ATXN7L3: variants seen among roughly 807,000 people sequenced by gnomAD.
ATXN7L3 encodes ataxin 7 like 3.
A neutral mutation model predicts 50.0 loss-of-function variants in ATXN7L3; 6 were observed. That is an observed-to-expected ratio of 0.12 (90% CI 0.07 to 0.24). The LOEUF (loss-of-function observed/expected upper bound fraction) is 0.24, where lower values mean the gene tolerates loss of function less well. ATXN7L3 is among the 10% of genes least tolerant of loss of function. ATXN7L3 has a pLI of 1.00. For missense variants in ATXN7L3, 322 were observed against 451.3 expected (o/e 0.71, Z 2.60); for synonymous variants, 198 against 165.8 (o/e 1.19, Z -1.49).
Position 44,195,784 on chromosome 17 carries a change from G to A in ATXN7L3, c.552+16C>T, listed in dbSNP as rs1460600017. The A allele has an allele frequency of 1.9e-6, 3 of 1,597,482 alleles. No individual in the cohort carries two copies. Among genetic ancestry groups the A allele is most frequent in the African/African-American group, 2.7e-5 (2 of 74,432 alleles). ...CAGGACAATGAGAGCAAGCATGAGG[G>A]GCGGCCCATACTCACCTTAAAAGGA... is the stretch of plus-strand genomic sequence containing the variant. On this transcript the variant is annotated intron_variant, in intron 8 of 12. Transcript: ENST00000587097.
chr17:44,194,860 G>A (rs750678946), intron 10 of ATXN7L3, 21 bp from the exon 11 acceptor site: 5 of 1,613,766 alleles, frequency 3.1e-6, no homozygotes, highest in Non-Finnish European at 4.2e-6. Context: ...GGCAAGGCAG[G>A]GAGGGTTCTG....
chr17:44,192,008 C>CG lies in ATXN7L3; in HGVS notation c.*2254dup, dbSNP rs556103493. 6.7e-4 allele frequency: 103 copies of CG among 152,898 alleles called. No individual in the cohort carries two copies. The highest frequency in any genetic ancestry group is 2.1e-3 in the African/African-American group (85 of 41,406). The allele number at this position is 152,898 out of a possible 1,614,324, so 9.5% of individuals were successfully genotyped here. On this transcript the variant is annotated 3_prime_UTR_variant, in exon 13 of 13. Coordinates refer to ENST00000587097, the MANE Select transcript of ATXN7L3 (RefSeq NM_001382309.1). ...GCCAGGCGGGTGGCCCCTGGGCATGCGGGGGGGAGTGATGCATGGAAGGAA... is the reference window on the plus strand; with the variant it reads ...GCCAGGCGGGTGGCCCCTGGGCATGCGGGGGGGGAGTGATGCATGGAAGGAA...
rs781480220 is a variant in ATXN7L3, at chr17:44,194,796, C to T, written c.709G>A (p.Val237Ile). Residue 237 changes from valine (V) to isoleucine (I), a missense_variant, in exon 11 of 13, where the codon GTA becomes ATA. Around this residue, in one of 5 missense-constraint regions of ATXN7L3, gnomAD observed 24 missense variants for 52.6 expected, o/e 0.46. Transcript: ENST00000587097. ...PQHTDEQRRT[V>I]RIYFLGPSAV... The stretch of plus-strand genomic sequence containing the variant: ...GAGGGCCCGAGAAAATAAATCCGTA[C>T]GGTTCGCCTCTGCTCATCTGTGTGC... The T allele has an allele frequency of 6.8e-6, 11 of 1,614,046 alleles. No homozygotes were observed. The highest frequency in any genetic ancestry group is 4.0e-5 in the African/African-American group (3 of 74,918).
intron 5 of ATXN7L3, 44 bp from the exon 6 acceptor site, chr17:44,196,462 C>T (rs764864989): frequency 8.1e-6 from 13 of 1,613,122 alleles, no homozygotes; most frequent in South Asian, 1.1e-5. Context: ...CCGTTAAGTT[C>T]TCAATCTAAA....
rs572573910 is a variant in ATXN7L3, at chr17:44,193,804, C to T, written c.*459G>A. Reference sequence around the variant, plus strand: ...AGCCTTGCCCCTCAGCTCCAAGCACCGGACCCATTCACATTGCTGAGGGCG... The same window carrying T: ...AGCCTTGCCCCTCAGCTCCAAGCACTGGACCCATTCACATTGCTGAGGGCG... On this transcript the variant is annotated 3_prime_UTR_variant, in exon 13 of 13. Coordinates refer to ENST00000587097, the MANE Select transcript of ATXN7L3 (RefSeq NM_001382309.1). The T allele has an allele frequency of 1.2e-3, 220 of 177,462 alleles. 1 individual carries two copies. Among genetic ancestry groups the T allele is most frequent in the African/African-American group, 4.9e-3 (206 of 41,868 alleles). 11.0% of individuals were successfully genotyped at this position (177,462 alleles called of 1,614,324 possible). A position where few individuals can be genotyped will look rare whatever the true frequency, so the allele number is the denominator to read the frequency against.
Position 44,194,513 on chromosome 17 carries a change from G to C in ATXN7L3, c.895+4C>G. 2 of 1,613,440 alleles carry C rather than the reference G, an allele frequency of 1.2e-6. No homozygotes were observed. Among genetic ancestry groups the C allele is most frequent in the East Asian group, 4.5e-5 (2 of 44,880 alleles). On this transcript the variant is annotated splice_donor_region_variant and intron_variant, in intron 12 of 12. Transcript: ENST00000587097. ...AGCCCCTAGGGCCCAACTGCATCAC[G>C]TACCTAGACCCCATCCCTGATTTTC...
chr17:44,196,200 T>C, intron 6 of ATXN7L3, 121 bp from the exon 7 acceptor site: 3 of 1,298,012 alleles, frequency 2.3e-6, no homozygotes, highest in Non-Finnish European at 3.3e-6. Flanking sequence ...TCCTCCCCAG[T>C]AGGAGGCCTG....
rs2055718684 is a variant in ATXN7L3 at position 44,192,348 on chromosome 17, C to G, written c.*1915G>C. 1 of 152,336 alleles carries G rather than the reference C, an allele frequency of 6.6e-6. No individual in the cohort carries two copies. Among genetic ancestry groups the G allele is most frequent in the Non-Finnish European group, 1.5e-5 (1 of 68,130 alleles). 9.4% of individuals were successfully genotyped at this position (152,336 alleles called of 1,614,324 possible). Reference sequence around the variant, plus strand: ...CAATGGGGAAGTTTATGTGGACAAACCAGTTCCCAAGCTACTTCCCACTTC... The same window carrying G: ...CAATGGGGAAGTTTATGTGGACAAAGCAGTTCCCAAGCTACTTCCCACTTC... On this transcript the variant is annotated 3_prime_UTR_variant, in exon 13 of 13. Transcript: ENST00000587097.
chr17:44,199,059 C>T (rs1475481611), intron 1 of ATXN7L3: 2 of 152,554 alleles, frequency 1.3e-5, no homozygotes, highest in East Asian at 3.9e-4. Flanking sequence ...GCTGCTGCAT[C>T]ATACCGACTG....
In ATXN7L3 at chr17:44,194,100, T is replaced by C. The variant is rs961335317; in HGVS notation, c.*163A>G. The C allele has an allele frequency of 1.1e-5, 10 of 902,396 alleles. No individual in the cohort carries two copies. The highest frequency in any genetic ancestry group is 4.9e-5 in the East Asian group (2 of 40,414). The allele number at this position is 902,396 out of a possible 1,614,324, so 55.9% of individuals were successfully genotyped here. A position where few individuals can be genotyped will look rare whatever the true frequency, so the allele number is the denominator to read the frequency against. ...GAGTCGTGCTCCATTGCAGAGGACTTTGACACCCCCCAGGGGCGCATAATC... is the reference window on the plus strand; with the variant it reads ...GAGTCGTGCTCCATTGCAGAGGACTCTGACACCCCCCAGGGGCGCATAATC... On this transcript the variant is annotated 3_prime_UTR_variant, in exon 13 of 13. Coordinates refer to ENST00000587097, the MANE Select transcript of ATXN7L3 (RefSeq NM_001382309.1).
rs2056073489 is a variant in ATXN7L3 at position 44,199,651 on chromosome 17, CCCCGCCTG to C, written c.-224_-217del. 1 of 144,776 alleles carries C rather than the reference CCCCGCCTG, an allele frequency of 6.9e-6. No homozygotes were observed. The highest frequency in any genetic ancestry group is 1.5e-5 in the Non-Finnish European group (1 of 64,822). 9.0% of individuals were successfully genotyped at this position (144,776 alleles called of 1,614,324 possible). A position where few individuals can be genotyped will look rare whatever the true frequency, so the allele number is the denominator to read the frequency against. ...CCGGGGCCGGGGGGTCGGGCCGCCC[CCCCGCCTG>C]GCCGCCTCACCGGGCGGCCATGGCC... On this transcript the variant is annotated 5_prime_UTR_variant, in exon 1 of 13. Transcript: ENST00000587097.
At chr17:44,196,321 C>G in intron 6 of ATXN7L3, 75 bp downstream of exon 6, 1 of 1,574,748 alleles carries the variant, frequency 6.4e-7, no homozygotes, top group South Asian at 1.1e-5. Context: ...TCATGACACT[C>G]GAGGACTCCC....
intron 3 of ATXN7L3, 34 bp downstream of exon 3, chr17:44,197,564 G>A (rs2055958040): frequency 6.2e-7 from 1 of 1,613,876 alleles, no homozygotes; most frequent in Non-Finnish European, 8.5e-7. Flanking sequence ...CCCAGGGAAG[G>A]GCTGGACTGC....
At chr17:44,196,192 C>A in intron 6 of ATXN7L3, 113 bp from the exon 7 acceptor site, 2 of 1,355,098 alleles carry the variant, frequency 1.5e-6, no homozygotes, top group South Asian at 2.4e-5. Context: ...CCTACTCTTC[C>A]TCCCCAGTAG....
Position 44,197,408 on chromosome 17 carries a change from A to G in ATXN7L3, c.185-9T>C. ...CGGCTGGTCCACGATCTCTGGGGAC[A>G]GGAGAGGCTGGCGATCAGGGTGGGC... On this transcript the variant is annotated splice_polypyrimidine_tract_variant and intron_variant, in intron 3 of 12. Coordinates refer to ENST00000587097, the MANE Select transcript of ATXN7L3 (RefSeq NM_001382309.1). 1 of 1,588,414 alleles carries G rather than the reference A, an allele frequency of 6.3e-7. No homozygotes were observed. The highest frequency in any genetic ancestry group is 8.6e-7 in the Non-Finnish European group (1 of 1,163,512).
At chr17:44,198,205 C>T (rs1598197785) in intron 1 of ATXN7L3, 75 bp from the exon 2 acceptor site, 1 of 815,076 alleles carries the variant, frequency 1.2e-6, no homozygotes, top group Non-Finnish European at 2.0e-6. Flanking sequence ...CTCCCCACCT[C>T]GCTGCCCAAA....
In ATXN7L3 at chr17:44,197,733, G is replaced by A. The variant is rs769093077; in HGVS notation, c.52-3C>T. The A allele has an allele frequency of 4.3e-6, 7 of 1,614,146 alleles. No homozygotes were observed. Among genetic ancestry groups the A allele is most frequent in the Admixed American group, 1.7e-5 (1 of 60,008 alleles). On this transcript the variant is annotated splice_polypyrimidine_tract_variant and splice_region_variant and intron_variant, in intron 2 of 12. Transcript: ENST00000587097. ...GCGTATATCTCCTGAGCGATGGCCTGGGCCCCAGGGGAGAACATCTACGGT... is the reference window on the plus strand; with the variant it reads ...GCGTATATCTCCTGAGCGATGGCCTAGGCCCCAGGGGAGAACATCTACGGT...
intron 5 of ATXN7L3, 144 bp from the exon 6 acceptor site, chr17:44,196,562 G>C (rs538058292): frequency 7.9e-5 from 78 of 984,394 alleles, no homozygotes; most frequent in Admixed American, 6.4e-5. Context: ...GGCAGATCAC[G>C]AGGTCAGAAG....
rs772770850 is a variant in ATXN7L3 at position 44,194,240 on chromosome 17, A to C, written c.*23T>G. 4 of 1,612,986 alleles carry C rather than the reference A, an allele frequency of 2.5e-6. No homozygotes were observed. Among genetic ancestry groups the C allele is most frequent in the Non-Finnish European group, 3.4e-6 (4 of 1,179,608 alleles). On this transcript the variant is annotated 3_prime_UTR_variant, in exon 13 of 13. Coordinates refer to ENST00000587097, the MANE Select transcript of ATXN7L3 (RefSeq NM_001382309.1). ...TCAGGAGAGAGGGCTCTGCTCAGCC[A>C]AAGGCTATCCCTTGCACCCAAGTCA...
Sources: gnomAD v4.1 joint callset for allele counts on GRCh38, gnomAD v4.1.1 for gene constraint, gnomAD v4.1.1 regional missense constraint, MANE v1.5 for transcripts, NCBI Gene and HGNC (gene_info 2026-07-23, HGNC 2026-07-21) for gene names.